Variants in NRG3 observed in about 807,000 individuals in gnomAD.
The protein encoded by NRG3 is neuregulin 3, also known as pro-neuregulin-3, membrane-bound isoform.
Under a neutral mutation model 66.9 loss-of-function variants are expected in NRG3, and 31 were observed. The observed-to-expected ratio is 0.46, with a 90% confidence interval of 0.35 to 0.63. NRG3 has a LOEUF of 0.63. Among genes scored for constraint, NRG3 ranks in the 20% least tolerant of loss-of-function variants. The probability of loss-of-function intolerance (pLI) is 0.00; values close to 1 mark genes in which losing one functional copy is unlikely to be tolerated. For synonymous variants in NRG3, 393 were observed against 359.4 expected, an observed-to-expected ratio of 1.09 and a Z score of -1.06; for missense variants, 910 against 878.9, an observed-to-expected ratio of 1.04 and a Z score of -0.45.
Position 82,532,544 on chromosome 10 carries a change from T to TAC in NRG3, c.953+173677_953+173678insCA, listed in dbSNP as rs560869594. ...ATAGTACTATACATATAGTACTATA[T>TAC]ATGTATATGTATATAGTACTATATA... is the stretch of plus-strand genomic sequence containing the variant. On this transcript the variant is annotated intron_variant, in intron 2 of 8. Coordinates refer to ENST00000372141, the MANE Select transcript of NRG3 (RefSeq NM_001010848.4). Among the ~76,000 whole-genome samples the TAC allele has an allele frequency of 1.4e-4, 21 of 147,786 alleles. No individual in the cohort carries two copies. The East Asian group carries it at 2.7e-3, about 19-fold the overall frequency.
At chr10:82,128,488 A>C (rs1348153088) in intron 1 of NRG3, among the ~76,000 whole-genome samples, 2 of 152,064 alleles carry the variant, frequency 1.3e-5, no homozygotes, top group Non-Finnish European at 2.9e-5. Context: ...ACTCCAGAGA[A>C]AACCATTTAG....
chr10:82,031,281 C>T (rs961164788), intron 1 of NRG3, among the ~76,000 whole-genome samples: 17 of 152,176 alleles, frequency 1.1e-4, no homozygotes, highest in African/African-American at 4.1e-4. Context: ...TTAGGTGGAC[C>T]AGGGATTTTA....
At chr10:81,899,760 C>T (rs111681914) in intron 1 of NRG3, among the ~76,000 whole-genome samples, 1 of 152,118 alleles carries the variant, frequency 6.6e-6, no homozygotes, top group Admixed American at 6.5e-5. Context: ...AGGCTGTCCA[C>T]CTTTAGGCAT....
At chr10:82,945,420 T>G (rs1326925017) in intron 4 of NRG3, among the ~76,000 whole-genome samples, 1 of 152,172 alleles carries the variant, frequency 6.6e-6, no homozygotes, top group Non-Finnish European at 1.5e-5. Context: ...GTCCCCTGTT[T>G]TAGCCTATAA....
intron 3 of NRG3, among the ~76,000 whole-genome samples, chr10:82,809,619 C>T (rs141005168): frequency 2.8e-3 from 424 of 151,984 alleles, no homozygotes; most frequent in African/African-American, 9.8e-3. Flanking sequence ...GAAATTCAAC[C>T]TTATGTTTGT....
chr10:82,739,461 G>A (rs765173998), intron 3 of NRG3, among the ~76,000 whole-genome samples: 1 of 152,152 alleles, frequency 6.6e-6, no homozygotes, highest in East Asian at 1.9e-4. Flanking sequence ...ATGGTTTTCT[G>A]AATATCATAC....
rs1037484595 is a variant in NRG3, at chr10:82,199,890, G to A, written c.824-158849G>A. On this transcript the variant is annotated intron_variant, in intron 1 of 8. Coordinates refer to ENST00000372141, the MANE Select transcript of NRG3 (RefSeq NM_001010848.4). ...AGAGTGTGCATGTGTGTGTGTGTGC[G>A]TGTGTGTGTGTGTGTGTGTGTGTGT... is the stretch of plus-strand genomic sequence containing the variant. Among the ~76,000 whole-genome samples, 3 of 10,298 alleles carry A rather than the reference G, an allele frequency of 2.9e-4. 1 individual carries two copies. The highest frequency in any genetic ancestry group is 7.7e-4 in the African/African-American group (2 of 2,600). The allele number at this position is 10,298 out of a possible 152,430, so 6.8% of individuals were successfully genotyped here.
intron 3 of NRG3, among the ~76,000 whole-genome samples, chr10:82,811,588 A>G (rs1419965791): frequency 6.6e-6 from 1 of 152,212 alleles, no homozygotes. Context: ...TTGGGAATAC[A>G]CCAATTTGGG....
chr10:82,886,136 G>C (rs369580734), intron 4 of NRG3, among the ~76,000 whole-genome samples: 5 of 152,166 alleles, frequency 3.3e-5, no homozygotes, highest in African/African-American at 1.2e-4. Context: ...TAAGTGTTGG[G>C]ATTTCCGGCG....
At chr10:82,912,145 GT>G (rs1564624499) in intron 4 of NRG3, among the ~76,000 whole-genome samples, 1 of 152,118 alleles carries the variant, frequency 6.6e-6, no homozygotes, top group East Asian at 1.9e-4. Flanking sequence ...TTCTGCTATG[GT>G]TAGATTAAGT....
intron 2 of NRG3, among the ~76,000 whole-genome samples, chr10:82,477,728 T>A (rs1198138609): frequency 6.6e-6 from 1 of 152,140 alleles, no homozygotes. Context: ...TTGATGAATG[T>A]CAAGGCTGAA....
intron 2 of NRG3, among the ~76,000 whole-genome samples, chr10:82,603,731 A>G (rs1291821057): frequency 6.6e-6 from 1 of 151,136 alleles, no homozygotes; most frequent in East Asian, 1.9e-4. Flanking sequence ...TATTCATGTG[A>G]ACTGTGTTAA....
At chr10:82,581,679 T>C (rs771670607) in intron 2 of NRG3, among the ~76,000 whole-genome samples, 4 of 152,030 alleles carry the variant, frequency 2.6e-5, no homozygotes, top group African/African-American at 7.2e-5. Flanking sequence ...GTTATTATTG[T>C]ATTTAATGCA....
At chr10:82,218,261 C>T (rs1173200949) in intron 1 of NRG3, among the ~76,000 whole-genome samples, 2 of 152,118 alleles carry the variant, frequency 1.3e-5, no homozygotes, top group East Asian at 1.9e-4. Context: ...CATAATATTA[C>T]GTGATTAGTC....
chr10:82,681,878 T>C (rs2054132922), intron 2 of NRG3, among the ~76,000 whole-genome samples: 1 of 152,218 alleles, frequency 6.6e-6, no homozygotes, highest in African/African-American at 2.4e-5. Flanking sequence ...TATCTTCTAA[T>C]ACACCAGTGC....
At chr10:82,345,103 A>T (rs2082925944) in intron 1 of NRG3, among the ~76,000 whole-genome samples, 1 of 133,806 alleles carries the variant, frequency 7.5e-6, no homozygotes, top group African/African-American at 3.5e-5. Flanking sequence ...TTTTGTTGCC[A>T]TTGCTTTTGG....
intron 1 of NRG3, among the ~76,000 whole-genome samples, chr10:82,330,304 T>C (rs1313644689): frequency 6.6e-6 from 1 of 152,218 alleles, no homozygotes; most frequent in African/African-American, 2.4e-5. Flanking sequence ...TATTGCTCTT[T>C]TGCTATATTT....
intron 3 of NRG3, among the ~76,000 whole-genome samples, chr10:82,751,652 G>T (rs1261270313): frequency 2.0e-5 from 3 of 152,030 alleles, no homozygotes; most frequent in Non-Finnish European, 4.4e-5. Context: ...ACTCTTACAA[G>T]ATAAAGTAGC....
intron 1 of NRG3, among the ~76,000 whole-genome samples, chr10:82,037,104 T>A (rs887466707): frequency 6.6e-6 from 1 of 152,154 alleles, no homozygotes. Context: ...CAGGGTATAT[T>A]TTAAGTCACA....
Sources: gnomAD v4.1 joint callset for allele counts (sites outside exome capture counted in the v4.1 genomes callset) on GRCh38, gnomAD v4.1.1 for gene constraint, MANE v1.5 for transcripts, NCBI Gene and HGNC (gene_info 2026-07-23, HGNC 2026-07-21) for gene names.